Variants in NAV2 observed in about 807,000 individuals in gnomAD.
NAV2 encodes the protein neuron navigator 2, also known as helicase, APC down-regulated 1.
NAV2 carries 54 observed loss-of-function variants against 223.2 expected under a neutral mutation model. The ratio of observed to expected loss-of-function variants is 0.24; its 90% CI spans 0.19 to 0.30. The LOEUF is 0.30. Ranked by LOEUF, NAV2 falls within the 10% of genes least tolerant of loss-of-function variation. The pLI is 1.00. For missense variants in NAV2, 2,806 were observed against 3,147.5 expected (o/e 0.89, Z 2.60); for synonymous variants, 1,279 against 1,239.3 (o/e 1.03, Z -0.67).
Position 19,880,117 on chromosome 11 carries a change from A to T in NAV2, c.760A>T (p.Met254Leu). Residue 254 changes from methionine to leucine, a missense_variant, in exon 5 of 38, where the codon ATG becomes TTG. Transcript: ENST00000349880. ...TCAGCAGTCAAAAGCACAAGCTGAA[A>T]TGCAGTCCAGGTGGGGGCTCCTTGC... ...PHQQSKAQAEMQSRLPGPTAR... is the reference protein window; with the variant it reads ...PHQQSKAQAELQSRLPGPTAR... 6.3e-7 allele frequency: 1 copy of T among 1,593,062 alleles called. No individual in the cohort carries two copies.
At chr11:19,591,709 A>C (rs1306092595) in intron 1 of NAV2, among the ~76,000 whole-genome samples, 1 of 152,184 alleles carries the variant, frequency 6.6e-6, no homozygotes, top group Non-Finnish European at 1.5e-5. Flanking sequence ...CCTATAACCC[A>C]CAAAAAGTAG....
chr11:19,983,949 G>C (rs937050528), intron 10 of NAV2, among the ~76,000 whole-genome samples, 176 bp from the exon 11 acceptor site: 6 of 152,158 alleles, frequency 3.9e-5, no homozygotes, highest in Non-Finnish European at 7.4e-5. Context: ...GATCCTCTAG[G>C]TTGGATCAGC....
intron 1 of NAV2, among the ~76,000 whole-genome samples, chr11:19,582,933 T>A (rs377096885): frequency 3.2e-4 from 48 of 152,266 alleles, no homozygotes; most frequent in Non-Finnish European, 2.8e-4. Context: ...GATAGCTTGA[T>A]GGAGATGGCA....
intron 1 of NAV2, among the ~76,000 whole-genome samples, chr11:19,382,436 G>A (rs1848878294): frequency 6.6e-6 from 1 of 152,156 alleles, no homozygotes. Flanking sequence ...GGAACTTGTC[G>A]GGGAGTCAAG....
chr11:19,859,137 C>CTCTTTTTTTTTTTTTTT (rs1467179579), intron 3 of NAV2, among the ~76,000 whole-genome samples: 1 of 107,108 alleles, frequency 9.3e-6, no homozygotes, highest in African/African-American at 3.4e-5. Context: ...ATCATATTCT[C>CTCTTTTTTTTTTTTTTT]TTTTTTTTTT....
rs1410091209 is a variant in NAV2 at position 19,933,676 on chromosome 11, A to G, written c.1432A>G (p.Lys478Glu). 6.2e-7 allele frequency: 1 copy of G among 1,614,198 alleles called. No homozygotes were observed. Among genetic ancestry groups the G allele is most frequent in the East Asian group, 2.2e-5 (1 of 44,856 alleles). ...QRTFSRALTN[K>E]KSSLKGNEKE... ...GACTTTTAGCCGGGCACTGACCAAC[A>G]AGAAGAGTTCTCTGAAAGGCAATGA... is the stretch of plus-strand genomic sequence containing the variant. Residue 478 changes from lysine (K) to glutamate (E), a missense_variant, in exon 7 of 38, where the codon AAG becomes GAG. Transcript: ENST00000349880. The surrounding 1 kb of genome is among the most constrained non-coding windows in gnomAD (Gnocchi z 4.3).
At chr11:19,913,903 A>T (rs769917674) in intron 6 of NAV2, among the ~76,000 whole-genome samples, 2 of 152,206 alleles carry the variant, frequency 1.3e-5, no homozygotes, top group Non-Finnish European at 2.9e-5. Flanking sequence ...CTCTGGATAA[A>T]ACCTTGTCTT....
intron 1 of NAV2, among the ~76,000 whole-genome samples, chr11:19,605,535 T>TAAAAA (rs542244329): frequency 7.4e-6 from 1 of 136,004 alleles, no homozygotes; most frequent in Admixed American, 7.5e-5. Flanking sequence ...AAATATTATT[T>TAAAAA]AAAAAAAAAA....
chr11:19,774,236 G>T (rs1236506360), intron 1 of NAV2, among the ~76,000 whole-genome samples: 1 of 152,192 alleles, frequency 6.6e-6, no homozygotes, highest in African/African-American at 2.4e-5. Flanking sequence ...GAGTACAGTG[G>T]AACCATCATA....
intron 1 of NAV2, among the ~76,000 whole-genome samples, chr11:19,640,492 A>G (rs896631324): frequency 6.6e-6 from 1 of 152,112 alleles, no homozygotes; most frequent in Non-Finnish European, 1.5e-5. Context: ...ATCTTATAGT[A>G]TACAGGATTT....
intron 6 of NAV2, among the ~76,000 whole-genome samples, chr11:19,929,103 C>A (rs1245022367): frequency 6.6e-6 from 1 of 152,060 alleles, no homozygotes; most frequent in Non-Finnish European, 1.5e-5. Flanking sequence ...AAAAAACACA[C>A]ACACATACAC....
chr11:19,893,227 A>G (rs571095689), intron 6 of NAV2, among the ~76,000 whole-genome samples: 1 of 152,164 alleles, frequency 6.6e-6, no homozygotes, highest in South Asian at 2.1e-4. Flanking sequence ...TGCTGCCCAG[A>G]ATGTAGTAAA....
chr11:19,780,351 T>C (rs1337480850), intron 1 of NAV2, among the ~76,000 whole-genome samples: 1 of 152,124 alleles, frequency 6.6e-6, no homozygotes, highest in Non-Finnish European at 1.5e-5. Flanking sequence ...TCTGACATTC[T>C]TACCACCTTC....
At chr11:19,654,910 G>A (rs1258300075) in intron 1 of NAV2, among the ~76,000 whole-genome samples, 1 of 152,158 alleles carries the variant, frequency 6.6e-6, no homozygotes, top group Non-Finnish European at 1.5e-5. Flanking sequence ...TTAAACTAAA[G>A]AGCTTCTGCA....
chr11:19,836,935 A>G (rs926287346), intron 2 of NAV2, among the ~76,000 whole-genome samples: 1 of 152,154 alleles, frequency 6.6e-6, no homozygotes, highest in Admixed American at 6.5e-5. Context: ...GGCCTGTTTT[A>G]TAAGGAAACT....
intron 5 of NAV2, among the ~76,000 whole-genome samples, chr11:19,885,695 G>T (rs2040902372): frequency 6.6e-6 from 1 of 152,092 alleles, no homozygotes; most frequent in Non-Finnish European, 1.5e-5. Flanking sequence ...TATTTTATTT[G>T]CTTTTTGGCT....
intron 26 of NAV2, among the ~76,000 whole-genome samples, chr11:20,086,838 G>A (rs931532557): frequency 2.0e-5 from 3 of 152,110 alleles, no homozygotes; most frequent in Non-Finnish European, 4.4e-5. Flanking sequence ...GACACAGAGG[G>A]GGGCAGAGTG....
intron 36 of NAV2, among the ~76,000 whole-genome samples, chr11:20,109,696 G>C (rs2061830885): frequency 6.6e-6 from 1 of 152,220 alleles, no homozygotes; most frequent in Admixed American, 6.5e-5. Flanking sequence ...AGGCAGATGA[G>C]GTGGACTGTT....
At chr11:19,432,024 C>G (rs1365423136) in intron 1 of NAV2, among the ~76,000 whole-genome samples, 1 of 152,068 alleles carries the variant, frequency 6.6e-6, no homozygotes, top group East Asian at 1.9e-4. Flanking sequence ...AGGATGAAAC[C>G]CTGTCTGTAT....
Sources: allele counts gnomAD v4.1 joint callset (sites outside exome capture counted in the v4.1 genomes callset), GRCh38; gene constraint gnomAD v4.1.1; non-coding constraint Gnocchi (gnomAD v3.1); transcripts MANE v1.5; gene names NCBI Gene and HGNC (gene_info 2026-07-23, HGNC 2026-07-21).